Variants in CORIN observed in about 807,000 individuals in gnomAD.
CORIN encodes atrial natriuretic peptide-converting enzyme.
In CORIN, 117 loss-of-function variants were observed where a neutral mutation model predicts 125.3. The observed-to-expected ratio is 0.93, with a 90% confidence interval of 0.80 to 1.09. The LOEUF (loss-of-function observed/expected upper bound fraction) is 1.09, where lower values mean the gene tolerates loss of function less well. CORIN is among the 50% of genes least tolerant of loss of function. CORIN has a pLI of 0.00. For synonymous variants in CORIN, 450 were observed against 466.4 expected (o/e 0.96, Z 0.45); for missense variants, 1,253 against 1,306.7 (o/e 0.96, Z 0.63).
At chr4:47,670,628 T>G (rs1490973873) in intron 10 of CORIN, among the ~76,000 whole-genome samples, 1 of 152,188 alleles carries the variant, frequency 6.6e-6, no homozygotes, top group Non-Finnish European at 1.5e-5. Context: ...AGAGAGGGCC[T>G]GGGACATGAC....
chr4:47,635,442 G>A (rs1722984203), intron 16 of CORIN, among the ~76,000 whole-genome samples: 1 of 152,248 alleles, frequency 6.6e-6, no homozygotes, highest in Non-Finnish European at 1.5e-5. Flanking sequence ...ACAGATGTAT[G>A]AGCTGAGACA....
rs537888597 is a variant in CORIN at position 47,781,021 on chromosome 4, A to G, written c.409+5704T>C. 1.1e-4 allele frequency among the ~76,000 whole-genome samples: 16 copies of G among 152,128 alleles called. No homozygotes were observed. The South Asian group carries it at 3.3e-3, about 32-fold the overall frequency. On this transcript the variant is annotated intron_variant, in intron 3 of 21. Transcript: ENST00000273857. ...CAGTAATCCAGGAAATGAGGGATGA[A>G]AAAAAGCTACAAGGTATATAAAAAA...
chr4:47,837,456 C>T, intron 1 of CORIN: 1 of 270,526 alleles, frequency 3.7e-6, no homozygotes. Context: ...CTGTAGATCC[C>T]CGAGGGGCTG....
At chr4:47,642,931 C>A in intron 15 of CORIN, 2 of 1,528,992 alleles carry the variant, frequency 1.3e-6, no homozygotes, top group Non-Finnish European at 1.7e-6. Context: ...TTTTTCCATA[C>A]AATATAGATA....
At chr4:47,765,603 C>T (rs764737454) in intron 3 of CORIN, among the ~76,000 whole-genome samples, 2 of 152,142 alleles carry the variant, frequency 1.3e-5, no homozygotes, top group African/African-American at 4.8e-5. Flanking sequence ...CCCCCATCAT[C>T]GAGAAGTACC....
intron 5 of CORIN, among the ~76,000 whole-genome samples, chr4:47,708,356 G>A (rs1456466401): frequency 6.6e-6 from 1 of 152,026 alleles, no homozygotes; most frequent in Non-Finnish European, 1.5e-5. Flanking sequence ...TTGATCTTAG[G>A]GCTGTCATCA....
intron 6 of CORIN, among the ~76,000 whole-genome samples, chr4:47,686,222 T>C (rs1237620685): frequency 6.6e-6 from 1 of 151,662 alleles, no homozygotes; most frequent in Non-Finnish European, 1.5e-5. Flanking sequence ...ATTTTAGGAA[T>C]GGAATGGGCC....
At position 47,727,029 on chromosome 4, in the gene CORIN, T is replaced by G. The variant is rs565112663; in HGVS notation, c.799+17373A>C. Among the ~76,000 whole-genome samples the G allele has an allele frequency of 3.1e-4, 47 of 152,102 alleles. No individual in the cohort carries two copies. The South Asian group carries it at 9.3e-3, about 30-fold the overall frequency. ...GATATTTGATAAATCCTGGCAATAT[T>G]CTCAGAAGTAGAGACCATGCATGGC... On this transcript the variant is annotated intron_variant, in intron 5 of 21. Transcript: ENST00000273857.
chr4:47,735,295 AG>A (rs919725966), intron 5 of CORIN, among the ~76,000 whole-genome samples: 2 of 152,214 alleles, frequency 1.3e-5, no homozygotes, highest in Non-Finnish European at 2.9e-5. Flanking sequence ...TTACCCATAA[AG>A]CAAGAGACAG....
intron 2 of CORIN, chr4:47,790,236 G>T (rs2109924416): frequency 1.0e-6 from 1 of 984,088 alleles, no homozygotes; most frequent in Non-Finnish European, 1.2e-6. Context: ...CATGGGGCTG[G>T]CTGTGGTGAG....
chr4:47,620,580 G>A (rs1279241292), intron 19 of CORIN, among the ~76,000 whole-genome samples: 1 of 152,178 alleles, frequency 6.6e-6, no homozygotes, highest in Non-Finnish European at 1.5e-5. Context: ...TTACCTTAAG[G>A]ATGATCAGGA....
intron 19 of CORIN, among the ~76,000 whole-genome samples, chr4:47,614,688 A>G (rs1016099871): frequency 6.6e-6 from 1 of 152,190 alleles, no homozygotes; most frequent in Non-Finnish European, 1.5e-5. Flanking sequence ...AGTTTGAGAC[A>G]AATTACAGCC....
chr4:47,703,744 T>A (rs1726416967), intron 5 of CORIN, among the ~76,000 whole-genome samples: 1 of 152,184 alleles, frequency 6.6e-6, no homozygotes, highest in South Asian at 2.1e-4. Context: ...GATGGCCATC[T>A]CAAACTATTG....
At chr4:47,669,741 T>G (rs984719243) in intron 10 of CORIN, among the ~76,000 whole-genome samples, 1 of 152,170 alleles carries the variant, frequency 6.6e-6, no homozygotes, top group Non-Finnish European at 1.5e-5. Flanking sequence ...GCTAATTTTT[T>G]TGTATTTTTA....
chr4:47,673,167 C>G (rs1724843824), intron 10 of CORIN, among the ~76,000 whole-genome samples: 2 of 150,268 alleles, frequency 1.3e-5, no homozygotes, highest in South Asian at 4.2e-4. Context: ...GGTGAAACGC[C>G]ATCTTTACCA....
chr4:47,806,620 T>A (rs1731807724), intron 2 of CORIN, among the ~76,000 whole-genome samples: 1 of 152,200 alleles, frequency 6.6e-6, no homozygotes, highest in South Asian at 2.1e-4. Flanking sequence ...AAGAAAGGAC[T>A]AATTTAACCA....
At chr4:47,721,139 C>T (rs772422637) in intron 5 of CORIN, among the ~76,000 whole-genome samples, 20 of 151,990 alleles carry the variant, frequency 1.3e-4, no homozygotes, top group South Asian at 2.1e-4. Context: ...TTAGTCCTCA[C>T]GTGGCCTCTC....
intron 4 of CORIN, among the ~76,000 whole-genome samples, chr4:47,745,091 T>C (rs774285081): frequency 1.3e-5 from 2 of 152,196 alleles, no homozygotes; most frequent in African/African-American, 2.4e-5. Flanking sequence ...GAGTGGCAAC[T>C]TGGAAGACCT....
intron 3 of CORIN, among the ~76,000 whole-genome samples, chr4:47,784,380 C>T (rs1730692669): frequency 6.6e-6 from 1 of 152,178 alleles, no homozygotes; most frequent in African/African-American, 2.4e-5. Context: ...TTTGGCCTTT[C>T]TCCATTTAGC....
Sources: allele counts gnomAD v4.1 joint callset (sites outside exome capture counted in the v4.1 genomes callset), GRCh38; gene constraint gnomAD v4.1.1; transcripts MANE v1.5; gene names NCBI Gene and HGNC (gene_info 2026-07-23, HGNC 2026-07-21).